FRG1: variants seen among roughly 807,000 people sequenced by gnomAD.
FRG1 encodes the protein protein FRG1.
FRG1 carries 19 observed loss-of-function variants against 37.0 expected under a neutral mutation model. The observed-to-expected ratio is 0.51, with a 90% confidence interval of 0.36 to 0.75. The LOEUF (loss-of-function observed/expected upper bound fraction) is 0.75, where lower values mean the gene tolerates loss of function less well. Among genes scored for constraint, FRG1 ranks in the 30% least tolerant of loss-of-function variants. The pLI is 0.00. For missense variants in FRG1, 243 were observed against 301.4 expected, an observed-to-expected ratio of 0.81 and a Z score of 1.44; for synonymous variants, 73 against 96.5, an observed-to-expected ratio of 0.76 and a Z score of 1.43.
chr4:189,955,136 A>T lies in FRG1; in HGVS notation c.417A>T (p.Glu139Asp), dbSNP rs375566029. The T allele has an allele frequency of 5.0e-6, 8 of 1,610,340 alleles. No individual in the cohort carries two copies. Among genetic ancestry groups the T allele is most frequent in the African/African-American group, 1.3e-5 (1 of 74,804 alleles). Residue 139 changes from glutamate to aspartate, a missense_variant, in exon 5 of 9, where the codon GAA becomes GAT. Around this residue, in one of 2 missense-constraint regions of FRG1, gnomAD observed 133 missense variants for 199.3 expected, o/e 0.67. Coordinates refer to ENST00000226798, the MANE Select transcript of FRG1 (RefSeq NM_004477.3). The part of the protein sequence containing the change: ...SDAIGPREQW[E>D]PVFQNGKMAL... ...CAATTGGACCAAGAGAACAATGGGA[A>T]CCAGTCTTTCAAAATGTAAGTGCTG...
In FRG1 at chr4:189,951,727, A is replaced by G. The variant is rs201472436; in HGVS notation, c.134-435A>G. 3.3e-3 allele frequency among the ~76,000 whole-genome samples: 501 copies of G among 152,156 alleles called. 2 individuals are homozygous for G. The highest frequency in any genetic ancestry group is 0.011 in the African/African-American group (475 of 41,498). Reference sequence around the variant, plus strand: ...GTCACTCAGGCTAGAGTGCAGTGGCATGATCATAGCTCACTATAACGTTGA... The same window carrying G: ...GTCACTCAGGCTAGAGTGCAGTGGCGTGATCATAGCTCACTATAACGTTGA... On this transcript the variant is annotated intron_variant, in intron 2 of 8. Coordinates refer to ENST00000226798, the MANE Select transcript of FRG1 (RefSeq NM_004477.3).
chr4:189,962,979 T>A (rs1737300226), intron 8 of FRG1, 114 bp from the exon 9 acceptor site: 1 of 546,286 alleles, frequency 1.8e-6, no homozygotes, highest in Non-Finnish European at 3.2e-6. Context: ...ATAAAAGTGT[T>A]GTGGTAATAA....
chr4:189,958,804 C>G (rs1324951265), intron 6 of FRG1, among the ~76,000 whole-genome samples: 1 of 152,182 alleles, frequency 6.6e-6, no homozygotes, highest in Non-Finnish European at 1.5e-5. Flanking sequence ...ACAGAAGCCA[C>G]TGATCTTTAA....
At chr4:189,962,750 A>C (rs1308587451) in intron 8 of FRG1, among the ~76,000 whole-genome samples, 1 of 152,200 alleles carries the variant, frequency 6.6e-6, no homozygotes, top group Non-Finnish European at 1.5e-5. Flanking sequence ...TCTAAAACGG[A>C]ATAAGCTCTA....
chr4:189,962,840 G>A (rs62346361), intron 8 of FRG1, among the ~76,000 whole-genome samples: 3 of 152,090 alleles, frequency 2.0e-5, no homozygotes, highest in Non-Finnish European at 2.9e-5. Flanking sequence ...CTTAAATTCC[G>A]GAATAATTAA....
chr4:189,957,422 A>G lies in FRG1; in HGVS notation c.457A>G (p.Asn153Asp), dbSNP rs75883191. ...QNGKMALLAS[N>D]SCFIRCNEAG... ...GGGGAAAATGGCTTTGTTGGCCTCA[A>G]ATAGCTGCTTTATTAGATGCAATGA... The change falls in exon 6 of 9, where the codon AAT becomes GAT. Residue 153 changes from asparagine (N) to aspartate (D), a missense_variant. This residue lies in a region of FRG1 where 133 missense variants were observed against 199.3 expected (regional missense o/e 0.67). Coordinates refer to ENST00000226798, the MANE Select transcript of FRG1 (RefSeq NM_004477.3). 1.9e-6 allele frequency: 3 copies of G among 1,612,420 alleles called. No individual in the cohort carries two copies. In the Admixed American group the frequency reaches 5.0e-5, roughly 27 times the overall value.
chr4:189,947,586 TCTCTC>T (rs1206249386), intron 2 of FRG1, among the ~76,000 whole-genome samples: 1 of 152,178 alleles, frequency 6.6e-6, no homozygotes, highest in African/African-American at 2.4e-5. Flanking sequence ...CTTAGTGAGT[TCTCTC>T]CACTCTGCTG....
At chr4:189,956,522 G>A (rs1736989016) in intron 5 of FRG1, among the ~76,000 whole-genome samples, 1 of 152,160 alleles carries the variant, frequency 6.6e-6, no homozygotes, top group Non-Finnish European at 1.5e-5. Context: ...TGAATAATCT[G>A]TGGCACAGGT....
At chr4:189,956,011 C>A (rs1475480455) in intron 5 of FRG1, among the ~76,000 whole-genome samples, 1 of 152,148 alleles carries the variant, frequency 6.6e-6, no homozygotes, top group African/African-American at 2.4e-5. Flanking sequence ...CTAATTTCCT[C>A]ATCCCCTAGG....
At position 189,940,917 on chromosome 4, in the gene FRG1, C is replaced by G; in HGVS notation, c.-93C>G. On this transcript the variant is annotated 5_prime_UTR_variant, in exon 1 of 9. Coordinates refer to ENST00000226798, the MANE Select transcript of FRG1 (RefSeq NM_004477.3). Reference sequence around the variant, plus strand: ...CTGTCAGGGAGTGTTTATTTCGCGTCCGCTTCTGTTTCTCCGCGCCCCTGT... The same window carrying G: ...CTGTCAGGGAGTGTTTATTTCGCGTGCGCTTCTGTTTCTCCGCGCCCCTGT... The G allele has an allele frequency of 1.1e-6, 1 of 945,948 alleles. No individual in the cohort carries two copies. The highest frequency in any genetic ancestry group is 1.4e-5 in the South Asian group (1 of 69,166). 58.6% of individuals were successfully genotyped at this position (945,948 alleles called of 1,614,324 possible).
At chr4:189,950,893 G>A (rs1334036542) in intron 2 of FRG1, among the ~76,000 whole-genome samples, 4 of 152,126 alleles carry the variant, frequency 2.6e-5, no homozygotes, top group Non-Finnish European at 4.4e-5. Flanking sequence ...AACGTGGTAT[G>A]TCTTTCTGTC....
At chr4:189,954,912 T>G in intron 4 of FRG1, 125 bp from the exon 5 acceptor site, 2 of 601,158 alleles carry the variant, frequency 3.3e-6, no homozygotes, top group East Asian at 5.6e-5. Flanking sequence ...TTTGAAGACT[T>G]GGAATATGTG....
At chr4:189,950,104 T>C (rs896114896) in intron 2 of FRG1, among the ~76,000 whole-genome samples, 11 of 152,204 alleles carry the variant, frequency 7.2e-5, no homozygotes, top group Non-Finnish European at 1.3e-4. Context: ...TATTGCATTA[T>C]GGTTTTGATT....
chr4:189,952,010 C>T (rs999849777), intron 2 of FRG1, 152 bp from the exon 3 acceptor site: 19 of 542,528 alleles, frequency 3.5e-5, no homozygotes, highest in South Asian at 3.0e-5. Flanking sequence ...AAGATTTAAT[C>T]GAGACAAAGT....
intron 5 of FRG1, 148 bp from the exon 6 acceptor site, chr4:189,957,250 A>G (rs1201764119): frequency 4.6e-6 from 5 of 1,088,500 alleles, no homozygotes; most frequent in Non-Finnish European, 6.5e-6. Flanking sequence ...TCTTTTCTAT[A>G]TGTTCTTGTA....
At chr4:189,948,733 C>G (rs1366450575) in intron 2 of FRG1, among the ~76,000 whole-genome samples, 1 of 152,078 alleles carries the variant, frequency 6.6e-6, no homozygotes. Flanking sequence ...CTTTGTTGCT[C>G]AGGCTGGAGT....
At chr4:189,952,497 C>T (rs1017321946) in intron 3 of FRG1, among the ~76,000 whole-genome samples, 2 of 151,934 alleles carry the variant, frequency 1.3e-5, no homozygotes, top group African/African-American at 4.8e-5. Flanking sequence ...CCGTATAGTT[C>T]CAGAAGAGTA....
rs549150821 is a variant in FRG1, at chr4:189,951,261, G to A, written c.134-901G>A. Among the ~76,000 whole-genome samples, 461 of 152,136 alleles carry A rather than the reference G, an allele frequency of 3.0e-3. 8 individuals carry two copies. The highest frequency in any genetic ancestry group is 0.011 in the African/African-American group (448 of 41,514). ...TCCCAGCACTTTGGGAGGCAGAGGC[G>A]GGTGGATCACGAGGTCGGGAGTTTG... On this transcript the variant is annotated intron_variant, in intron 2 of 8. Transcript: ENST00000226798.
intron 2 of FRG1, among the ~76,000 whole-genome samples, chr4:189,949,382 A>C (rs1736661537): frequency 6.6e-6 from 1 of 152,250 alleles, no homozygotes; most frequent in South Asian, 2.1e-4. Flanking sequence ...ATTCTTGATG[A>C]TACTGTGTTT....
Sources: allele counts gnomAD v4.1 joint callset (sites outside exome capture counted in the v4.1 genomes callset), GRCh38; gene constraint gnomAD v4.1.1; regional missense constraint gnomAD v4.1.1; transcripts MANE v1.5; gene names NCBI Gene and HGNC (gene_info 2026-07-23, HGNC 2026-07-21).